Variants in NAALADL2 observed in about 807,000 individuals in gnomAD.
The protein encoded by NAALADL2 is inactive N-acetylated-alpha-linked acidic dipeptidase-like protein 2.
NAALADL2 carries 76 observed loss-of-function variants against 87.2 expected under a neutral mutation model. The observed-to-expected ratio is 0.87, with a 90% CI of 0.72 to 1.05. The LOEUF is 1.05. Ranked by LOEUF, NAALADL2 falls within the 50% of genes least tolerant of loss-of-function variation. The pLI is 0.00. For missense variants in NAALADL2, 1,089 were observed against 945.8 expected (o/e 1.15, Z -1.99); for synonymous variants, 354 against 331.0 (o/e 1.07, Z -0.75).
chr3:175,513,950 T>A (rs1480557836), intron 9 of NAALADL2, among the ~76,000 whole-genome samples: 1 of 152,196 alleles, frequency 6.6e-6, no homozygotes, highest in African/African-American at 2.4e-5. Context: ...AAGCTAGACA[T>A]AAGAACCAGA....
At chr3:174,776,724 A>G (rs1320405802) in intron 3 of NAALADL2, among the ~76,000 whole-genome samples, 3 of 152,160 alleles carry the variant, frequency 2.0e-5, no homozygotes, top group African/African-American at 4.8e-5. Flanking sequence ...ACTTATTTTC[A>G]TGAAGAATTC....
chr3:174,651,798 CCTT>C (rs1353533592), intron 2 of NAALADL2, among the ~76,000 whole-genome samples: 1 of 152,094 alleles, frequency 6.6e-6, no homozygotes, highest in African/African-American at 2.4e-5. Flanking sequence ...GCTTCTGCCA[CCTT>C]CTTTATTTTT....
chr3:175,449,579 G>C (rs1721239587), intron 6 of NAALADL2, among the ~76,000 whole-genome samples: 1 of 151,724 alleles, frequency 6.6e-6, no homozygotes, highest in Admixed American at 6.6e-5. Context: ...ATTTTCAGTA[G>C]AGACGGGGTC....
chr3:175,020,798 G>T (rs937367301), intron 1 of NAALADL2, among the ~76,000 whole-genome samples: 29 of 152,026 alleles, frequency 1.9e-4, no homozygotes, highest in Non-Finnish European at 1.0e-4. Context: ...ACAATTTACC[G>T]TACTGGGCCC....
chr3:174,600,564 A>G (rs963099302), intron 2 of NAALADL2, among the ~76,000 whole-genome samples: 5 of 152,092 alleles, frequency 3.3e-5, no homozygotes, highest in African/African-American at 1.2e-4. Flanking sequence ...TTTTGTGAGT[A>G]CACGGTAAGT....
chr3:174,452,563 C>T (rs561989073), intron 1 of NAALADL2, among the ~76,000 whole-genome samples: 17 of 152,156 alleles, frequency 1.1e-4, no homozygotes, highest in East Asian at 3.9e-4. Context: ...CCCCAACCCC[C>T]GCCCACACAG....
chr3:175,622,323 T>C (rs1364907247), intron 10 of NAALADL2, among the ~76,000 whole-genome samples: 2 of 152,118 alleles, frequency 1.3e-5, no homozygotes, highest in Non-Finnish European at 2.9e-5. Context: ...CCTCTATTCA[T>C]TCAACAAGTG....
At chr3:175,339,511 C>T (rs905232591) in intron 5 of NAALADL2, among the ~76,000 whole-genome samples, 27 of 152,228 alleles carry the variant, frequency 1.8e-4, no homozygotes, top group Middle Eastern at 3.4e-3. Flanking sequence ...TACCTGAGTT[C>T]ATGAATGATG....
rs535130406 is a variant in NAALADL2 at position 175,274,217 on chromosome 3, T to C, written c.939+17687T>C. On this transcript the variant is annotated intron_variant, in intron 4 of 13. Coordinates refer to ENST00000454872, the MANE Select transcript of NAALADL2 (RefSeq NM_207015.3). ...GAAGGTGTGTGCAGGGGAACTGCCCTTTTATAGAACAGTCAGATCTCATGA... is the reference window on the plus strand; with the variant it reads ...GAAGGTGTGTGCAGGGGAACTGCCCCTTTATAGAACAGTCAGATCTCATGA... Among the ~76,000 whole-genome samples, 3 of 152,274 alleles carry C rather than the reference T, an allele frequency of 2.0e-5. No homozygotes were observed. In the East Asian group the frequency reaches 5.8e-4, roughly 29 times the overall value.
rs556496037 is a variant in NAALADL2, at chr3:175,412,263, A to C, written c.1091-34966A>C. Among the ~76,000 whole-genome samples the C allele has an allele frequency of 3.9e-5, 6 of 152,220 alleles. No homozygotes were observed. In the East Asian group the frequency reaches 1.2e-3, roughly 29 times the overall value. ...CACAAAAGATAGATTATGTATGTGC[A>C]CGTGCACGCGTATAGTTTGTGTGTG... is the stretch of plus-strand genomic sequence containing the variant. On this transcript the variant is annotated intron_variant, in intron 5 of 13. Transcript: ENST00000454872.
intron 2 of NAALADL2, among the ~76,000 whole-genome samples, chr3:174,625,333 C>T (rs1721466111): frequency 6.6e-6 from 1 of 152,074 alleles, no homozygotes; most frequent in African/African-American, 2.4e-5. Flanking sequence ...GTTAGTACTA[C>T]AGCCATAAGC....
intron 10 of NAALADL2, among the ~76,000 whole-genome samples, chr3:175,609,070 A>C (rs1724204034): frequency 6.6e-6 from 1 of 151,638 alleles, no homozygotes; most frequent in Non-Finnish European, 1.5e-5. Flanking sequence ...TTCACTTTGG[A>C]GCAGCAGTGT....
intron 9 of NAALADL2, chr3:175,487,497 T>A (rs1727458896): frequency 2.2e-6 from 1 of 456,450 alleles, no homozygotes; most frequent in African/African-American, 2.0e-5. Flanking sequence ...ATCCATGAAC[T>A]AAGAGCAGAT....
intron 9 of NAALADL2, among the ~76,000 whole-genome samples, chr3:175,498,717 T>G (rs547863156): frequency 6.6e-6 from 1 of 152,192 alleles, no homozygotes; most frequent in African/African-American, 2.4e-5. Flanking sequence ...TGATTTACAT[T>G]TTAGGGGCAG....
At chr3:174,914,065 T>A (rs906164746) in intron 1 of NAALADL2, among the ~76,000 whole-genome samples, 13 of 147,620 alleles carry the variant, frequency 8.8e-5, no homozygotes, top group African/African-American at 3.2e-4. Context: ...TTTCTTTTCT[T>A]TTTTTTTTTT....
At chr3:175,636,993 A>C (rs532776635) in intron 11 of NAALADL2, among the ~76,000 whole-genome samples, 1 of 152,230 alleles carries the variant, frequency 6.6e-6, no homozygotes, top group Non-Finnish European at 1.5e-5. Context: ...ATCACCCAAG[A>C]ACTTCATGTT....
chr3:174,580,400 CAA>C (rs1239779395), intron 2 of NAALADL2, among the ~76,000 whole-genome samples: 1 of 152,000 alleles, frequency 6.6e-6, no homozygotes. Context: ...TTTTTATAAA[CAA>C]ATTTATTGGG....
intron 1 of NAALADL2, among the ~76,000 whole-genome samples, chr3:174,931,423 C>A (rs896628364): frequency 1.3e-5 from 2 of 152,000 alleles, no homozygotes; most frequent in African/African-American, 4.8e-5. Context: ...ACTAAAAGTG[C>A]CATATCGTAG....
At chr3:175,593,772 CA>C (rs11302780) in intron 10 of NAALADL2, among the ~76,000 whole-genome samples, 107,838 of 150,492 alleles carry the variant, frequency 0.72, 38,834 homozygotes, top group East Asian at 0.85. Flanking sequence ...GGCCCACTCT[CA>C]AAAAAAAAAC....
Sources: gnomAD v4.1 joint callset for allele counts (sites outside exome capture counted in the v4.1 genomes callset) on GRCh38, gnomAD v4.1.1 for gene constraint, MANE v1.5 for transcripts, NCBI Gene and HGNC (gene_info 2026-07-23, HGNC 2026-07-21) for gene names.